NHSL1: variants seen among roughly 807,000 people sequenced by gnomAD.
NHSL1 encodes the protein NHS-like protein 1.
NHSL1 carries 48 observed loss-of-function variants against 95.0 expected under a neutral mutation model. The ratio of observed to expected loss-of-function variants is 0.51; its 90% CI spans 0.40 to 0.64. The LOEUF is 0.64. NHSL1 is among the 30% of genes least tolerant of loss of function. The pLI is 0.00. For synonymous variants in NHSL1, 783 were observed against 833.9 expected (o/e 0.94, Z 1.05); for missense variants, 1,971 against 2,077.7 (o/e 0.95, Z 1.00).
intron 1 of NHSL1, chr6:138,650,560 G>A: frequency 1.7e-6 from 1 of 594,310 alleles, no homozygotes; most frequent in East Asian, 4.1e-5. Flanking sequence ...TCACCCAGGA[G>A]GTGAGGGATT....
chr6:138,630,463 G>T (rs938865263), intron 1 of NHSL1, among the ~76,000 whole-genome samples: 1 of 151,878 alleles, frequency 6.6e-6, no homozygotes, highest in Non-Finnish European at 1.5e-5. Flanking sequence ...CGAGATCACC[G>T]CAACCTCCGC....
chr6:138,663,863 T>C (rs1355462930), intron 1 of NHSL1, among the ~76,000 whole-genome samples: 8 of 152,124 alleles, frequency 5.3e-5, no homozygotes, highest in Non-Finnish European at 1.2e-4. Context: ...AGAGCAAGAC[T>C]CTATCTCAAA....
intron 1 of NHSL1, among the ~76,000 whole-genome samples, chr6:138,688,278 T>C (rs1300416637): frequency 6.7e-6 from 1 of 148,608 alleles, no homozygotes; most frequent in Non-Finnish European, 1.5e-5. Context: ...GTGGGTGAAT[T>C]GTATGGTGTG....
intron 1 of NHSL1, among the ~76,000 whole-genome samples, chr6:138,684,821 G>A (rs768900998): frequency 2.0e-5 from 3 of 152,152 alleles, no homozygotes; most frequent in African/African-American, 4.8e-5. Context: ...ACAAGATGGC[G>A]GTCAGTACCC....
At chr6:138,598,632 A>G (rs903511568) in intron 1 of NHSL1, among the ~76,000 whole-genome samples, 2 of 151,258 alleles carry the variant, frequency 1.3e-5, no homozygotes, top group African/African-American at 2.4e-5. Context: ...TGGAAGAAAA[A>G]AAAAAAAAAA....
chr6:138,573,497 A>G (rs1783911285), upstream of NHSL1, among the ~76,000 whole-genome samples: 1 of 152,244 alleles, frequency 6.6e-6, no homozygotes, highest in African/African-American at 2.4e-5. Flanking sequence ...AGAATTTTGC[A>G]TCATACATCT....
In NHSL1 at chr6:138,499,353, A is replaced by G; in HGVS notation, c.-63T>C. The G allele has an allele frequency of 6.5e-7, 1 of 1,540,508 alleles. No individual in the cohort carries two copies. ...ACATTAAAAGCTCAGCCCAGTAGGC[A>G]GGTGGCAAGCTTCGTCCTTCTGCTA... On this transcript the variant is annotated 5_prime_UTR_variant, in exon 1 of 8. Transcript: ENST00000343505.
Position 138,650,274 on chromosome 6 carries a change from C to T in NHSL1, c.96+42202G>A, listed in dbSNP as rs1253086601. The T allele has an allele frequency of 4.5e-6, 3 of 659,604 alleles. No individual in the cohort carries two copies. The African/African-American group carries it at 5.4e-5, about 12-fold the overall frequency. The allele number at this position is 659,604 out of a possible 1,614,324, so 40.9% of individuals were successfully genotyped here. A position where few individuals can be genotyped will look rare whatever the true frequency, so the allele number is the denominator to read the frequency against. On this transcript the variant is annotated intron_variant, in intron 1 of 3. Coordinates refer to the NHSL1 transcript ENST00000491526. Reference sequence around the variant, plus strand: ...CACCCAGTGGAAAAGCAGGCTGGAGCCTTGGAAGAGCTGGCCCTACATACT... The same window carrying T: ...CACCCAGTGGAAAAGCAGGCTGGAGTCTTGGAAGAGCTGGCCCTACATACT...
At chr6:138,523,627 G>GAAAAAAAAAAAAA (rs67335375) in intron 1 of NHSL1, among the ~76,000 whole-genome samples, 2 of 64,888 alleles carry the variant, frequency 3.1e-5, no homozygotes, top group Non-Finnish European at 6.4e-5. Context: ...TTTTAAAGAG[G>GAAAAAAAAAAAAA]AAAAAAAAAA....
chr6:138,645,352 A>G (rs1785003858), intron 1 of NHSL1, among the ~76,000 whole-genome samples: 1 of 152,172 alleles, frequency 6.6e-6, no homozygotes, highest in Non-Finnish European at 1.5e-5. Flanking sequence ...TCTTTGCTCA[A>G]AAGTCACCTT....
chr6:138,675,758 T>C (rs1334094235), intron 1 of NHSL1, among the ~76,000 whole-genome samples: 2 of 152,272 alleles, frequency 1.3e-5, no homozygotes, highest in African/African-American at 4.8e-5. Flanking sequence ...GGTCTCGAAC[T>C]CCTGACCTCA....
chr6:138,554,623 C>T (rs1583403577), intron 1 of NHSL1, among the ~76,000 whole-genome samples: 1 of 152,172 alleles, frequency 6.6e-6, no homozygotes. Flanking sequence ...AATGTCCAGG[C>T]TTCTGGTAAC....
In NHSL1 at chr6:138,676,338, TA is replaced by T. The variant is rs1785448253; in HGVS notation, c.96+16137del. 2.0e-5 allele frequency among the ~76,000 whole-genome samples: 3 copies of T among 152,144 alleles called. No individual in the cohort carries two copies. In the South Asian group the frequency reaches 6.2e-4, roughly 32 times the overall value. ...CACTCACTAGGAAACCTTACATTATTAAGGTCCAGTCCTTTATTCTAACATC... is the reference window on the plus strand; with the variant it reads ...CACTCACTAGGAAACCTTACATTATTAGGTCCAGTCCTTTATTCTAACATC... On this transcript the variant is annotated intron_variant, in intron 1 of 3. Transcript: ENST00000491526.
chr6:138,669,283 G>A lies in NHSL1; in HGVS notation c.96+23193C>T, dbSNP rs73568746. 8.8e-3 allele frequency among the ~76,000 whole-genome samples: 1,337 copies of A among 152,258 alleles called. 19 individuals are homozygous for A. Among genetic ancestry groups the A allele is most frequent in the African/African-American group, 0.029 (1,225 of 41,532 alleles). On this transcript the variant is annotated intron_variant, in intron 1 of 3. Coordinates refer to the NHSL1 transcript ENST00000491526. ...GCAAAGAGATTGTTTTAAGAAGATGGAGAGAATGGGGGAAGAGGTGACAAA... is the reference window on the plus strand; with the variant it reads ...GCAAAGAGATTGTTTTAAGAAGATGAAGAGAATGGGGGAAGAGGTGACAAA...
At chr6:138,669,566 A>G (rs575015375) in intron 1 of NHSL1, among the ~76,000 whole-genome samples, 2 of 152,302 alleles carry the variant, frequency 1.3e-5, no homozygotes, top group South Asian at 2.1e-4. Context: ...ATTCCTAGCC[A>G]CGAGTGGCCA....
At chr6:138,435,710 G>T (rs1241106555) in intron 5 of NHSL1, among the ~76,000 whole-genome samples, 3 of 148,610 alleles carry the variant, frequency 2.0e-5, no homozygotes, top group Admixed American at 6.6e-5. Context: ...CAGATAACTG[G>T]GGTTTTTTTT....
At chr6:138,613,840 T>C (rs2114606374) in intron 1 of NHSL1, among the ~76,000 whole-genome samples, 1 of 152,272 alleles carries the variant, frequency 6.6e-6, no homozygotes, top group South Asian at 2.1e-4. Flanking sequence ...TCGGCCCACA[T>C]TTAGTGCAGG....
At chr6:138,549,763 C>G (rs927709042), upstream of NHSL1, among the ~76,000 whole-genome samples, 8 of 152,066 alleles carry the variant, frequency 5.3e-5, no homozygotes, top group Non-Finnish European at 1.2e-4. Context: ...CCTATTTTTT[C>G]CATACCCTTG....
At chr6:138,592,723 G>T (rs1489667043) in intron 1 of NHSL1, among the ~76,000 whole-genome samples, 6 of 152,186 alleles carry the variant, frequency 3.9e-5, no homozygotes, top group Admixed American at 1.3e-4. Context: ...AAGGTGTGTG[G>T]ATATATTTTA....
Sources: allele counts gnomAD v4.1 joint callset (sites outside exome capture counted in the v4.1 genomes callset), GRCh38; gene constraint gnomAD v4.1.1; transcripts MANE v1.5; gene names NCBI Gene and HGNC (gene_info 2026-07-23, HGNC 2026-07-21).